STXBP5L: variants seen among roughly 807,000 people sequenced by gnomAD.
The protein encoded by STXBP5L is syntaxin-binding protein 5-like.
In STXBP5L, 65 loss-of-function variants were observed where a neutral mutation model predicts 144.5. The ratio of observed to expected loss-of-function variants is 0.45; its 90% CI spans 0.37 to 0.55. STXBP5L has a LOEUF of 0.55. Among genes scored for constraint, STXBP5L ranks in the 20% least tolerant of loss-of-function variants. STXBP5L has a pLI of 0.00. For missense variants in STXBP5L, 1,298 were observed against 1,405.5 expected (o/e 0.92, Z 1.22); for synonymous variants, 505 against 469.6 (o/e 1.08, Z -0.97).
At chr3:121,149,841 T>C (rs1342981209) in intron 7 of STXBP5L, among the ~76,000 whole-genome samples, 5 of 152,132 alleles carry the variant, frequency 3.3e-5, no homozygotes. Flanking sequence ...AGGTGGCTCA[T>C]TATTTTTAAT....
intron 3 of STXBP5L, among the ~76,000 whole-genome samples, chr3:120,980,257 G>A (rs184942385): frequency 6.9e-4 from 105 of 152,232 alleles, no homozygotes; most frequent in African/African-American, 2.3e-3. Context: ...ACCAATTTAA[G>A]TAAAGACTTT....
chr3:121,304,834 T>G (rs1197057351), intron 19 of STXBP5L, among the ~76,000 whole-genome samples: 1 of 151,744 alleles, frequency 6.6e-6, no homozygotes, highest in Admixed American at 6.6e-5. Flanking sequence ...AACCACCCAA[T>G]GTAAAGGAAA....
intron 20 of STXBP5L, among the ~76,000 whole-genome samples, chr3:121,347,723 T>G (rs1295586152): frequency 4.6e-5 from 7 of 152,202 alleles, no homozygotes; most frequent in African/African-American, 1.4e-4. Context: ...GAAGCAATTG[T>G]GAATGGGAGT....
intron 3 of STXBP5L, among the ~76,000 whole-genome samples, chr3:120,974,010 A>G (rs935084466): frequency 6.6e-6 from 1 of 152,130 alleles, no homozygotes; most frequent in Admixed American, 6.6e-5. Flanking sequence ...ATACGTGTGC[A>G]TGTGTCTTTA....
chr3:121,045,586 C>T (rs770714971), intron 5 of STXBP5L, 51 bp downstream of exon 5: 5 of 1,537,534 alleles, frequency 3.3e-6, no homozygotes, highest in African/African-American at 1.4e-5. Context: ...AAATTATTTC[C>T]TGAGCAAGTT....
At chr3:120,989,497 T>A (rs1942624289) in intron 3 of STXBP5L, among the ~76,000 whole-genome samples, 1 of 152,140 alleles carries the variant, frequency 6.6e-6, no homozygotes, top group Non-Finnish European at 1.5e-5. Context: ...TTTGCTGTTG[T>A]TGAGTTGTTT....
At chr3:120,924,164 A>G (rs534381561) in intron 2 of STXBP5L, among the ~76,000 whole-genome samples, 13 of 152,300 alleles carry the variant, frequency 8.5e-5, no homozygotes, top group African/African-American at 3.1e-4. Flanking sequence ...CATCATTATC[A>G]TCTTCAAAAA....
chr3:121,336,544 C>A (rs1286224943), intron 20 of STXBP5L, among the ~76,000 whole-genome samples: 3 of 151,814 alleles, frequency 2.0e-5, no homozygotes, highest in Non-Finnish European at 4.4e-5. Flanking sequence ...ACAAAAAAAT[C>A]CACAAGGAGA....
intron 20 of STXBP5L, among the ~76,000 whole-genome samples, chr3:121,371,892 T>C (rs12633406): frequency 0.15 from 22,197 of 152,208 alleles, 1,831 homozygotes; most frequent in South Asian, 0.28. Context: ...ACAATGGTGG[T>C]ACCGCTGGGA....
intron 19 of STXBP5L, among the ~76,000 whole-genome samples, chr3:121,302,159 G>T (rs1465181134): frequency 1.3e-5 from 2 of 152,176 alleles, no homozygotes; most frequent in African/African-American, 4.8e-5. Flanking sequence ...GAATTCGGCT[G>T]TGAATACATC....
chr3:121,242,269 A>C (rs1381910175), intron 14 of STXBP5L, among the ~76,000 whole-genome samples: 2 of 152,162 alleles, frequency 1.3e-5, no homozygotes, highest in African/African-American at 4.8e-5. Context: ...TTTTAAATGT[A>C]TATTTTATGG....
At chr3:121,277,847 A>G (rs1162132279) in intron 18 of STXBP5L, among the ~76,000 whole-genome samples, 1 of 151,872 alleles carries the variant, frequency 6.6e-6, no homozygotes, top group East Asian at 1.9e-4. Flanking sequence ...GTATTAGGAG[A>G]GCTCTGCAGT....
At chr3:121,108,645 A>G (rs1278593652) in intron 5 of STXBP5L, among the ~76,000 whole-genome samples, 1 of 152,110 alleles carries the variant, frequency 6.6e-6, no homozygotes, top group Non-Finnish European at 1.5e-5. Context: ...TTTTGCATTG[A>G]TGTTCATCAG....
At chr3:121,168,089 C>G (rs571899371) in intron 9 of STXBP5L, among the ~76,000 whole-genome samples, 1 of 152,054 alleles carries the variant, frequency 6.6e-6, no homozygotes, top group Non-Finnish European at 1.5e-5. Context: ...GAGAAAAAGG[C>G]CCTGACTCTT....
intron 2 of STXBP5L, among the ~76,000 whole-genome samples, chr3:120,937,371 C>A (rs1008108599): frequency 6.6e-6 from 1 of 151,874 alleles, no homozygotes; most frequent in Non-Finnish European, 1.5e-5. Flanking sequence ...TGTAGGGACA[C>A]CTCTAACCCT....
chr3:121,248,851 C>T (rs1387106144), intron 14 of STXBP5L, among the ~76,000 whole-genome samples: 1 of 152,098 alleles, frequency 6.6e-6, no homozygotes, highest in Non-Finnish European at 1.5e-5. Context: ...CTAGTTTTCA[C>T]TCTTTTGCAT....
chr3:121,372,775 AG>A (rs1174783095), intron 20 of STXBP5L, among the ~76,000 whole-genome samples: 1 of 151,952 alleles, frequency 6.6e-6, no homozygotes, highest in Non-Finnish European at 1.5e-5. Context: ...GGCTGCATCT[AG>A]TCAGCCATCT....
At chr3:121,315,256 C>G (rs969138656) in intron 19 of STXBP5L, among the ~76,000 whole-genome samples, 6 of 152,160 alleles carry the variant, frequency 3.9e-5, no homozygotes, top group Middle Eastern at 3.4e-3. Flanking sequence ...CAATGATAGA[C>G]TGGATTAAGA....
chr3:121,000,941 C>T (rs1251695393), intron 3 of STXBP5L, among the ~76,000 whole-genome samples: 1 of 152,166 alleles, frequency 6.6e-6, no homozygotes, highest in African/African-American at 2.4e-5. Flanking sequence ...GGGATCAAGC[C>T]TATGGCTTTG....
Sources: gnomAD v4.1 joint callset for allele counts (sites outside exome capture counted in the v4.1 genomes callset) on GRCh38, gnomAD v4.1.1 for gene constraint, MANE v1.5 for transcripts, NCBI Gene and HGNC (gene_info 2026-07-23, HGNC 2026-07-21) for gene names.